Variants in FRMD3 observed in about 807,000 individuals in gnomAD.
FRMD3 encodes the protein FERM domain-containing protein 3.
FRMD3 carries 33 observed loss-of-function variants against 70.2 expected under a neutral mutation model. The observed-to-expected ratio is 0.47, with a 90% CI of 0.36 to 0.63. The LOEUF (loss-of-function observed/expected upper bound fraction) is 0.63. FRMD3 is among the 20% of genes least tolerant of loss of function. The pLI is 0.00. For synonymous variants in FRMD3, 279 were observed against 255.9 expected, an observed-to-expected ratio of 1.09 and a Z score of -0.86; for missense variants, 632 against 711.4, an observed-to-expected ratio of 0.89 and a Z score of 1.27.
intron 2 of FRMD3, among the ~76,000 whole-genome samples, chr9:83,374,214 A>T (rs575551106): frequency 6.6e-6 from 1 of 151,580 alleles, no homozygotes; most frequent in East Asian, 2.0e-4. Context: ...TTTGCTCTAA[A>T]ATGCATATTC....
intron 1 of FRMD3, among the ~76,000 whole-genome samples, chr9:83,418,300 C>T (rs1229755784): frequency 6.6e-6 from 1 of 151,984 alleles, no homozygotes; most frequent in Non-Finnish European, 1.5e-5. Context: ...AACTAAAAAG[C>T]TTCTGCACAG....
intron 6 of FRMD3, among the ~76,000 whole-genome samples, chr9:83,322,108 C>G (rs944472388): frequency 6.6e-6 from 1 of 152,004 alleles, no homozygotes; most frequent in African/African-American, 2.4e-5. Flanking sequence ...CCAGGGAGAC[C>G]AGGGCCCTTC....
At chr9:83,447,075 C>T (rs1564081864) in intron 1 of FRMD3, among the ~76,000 whole-genome samples, 2 of 152,092 alleles carry the variant, frequency 1.3e-5, no homozygotes, top group African/African-American at 2.4e-5. Context: ...CCAGGCTGGG[C>T]TGCAGTGGCG....
chr9:83,480,829 GA>G (rs1828551976), intron 1 of FRMD3, among the ~76,000 whole-genome samples: 1 of 152,164 alleles, frequency 6.6e-6, no homozygotes, highest in Non-Finnish European at 1.5e-5. Context: ...GTTATATGCA[GA>G]TACAACCTAT....
intron 1 of FRMD3, among the ~76,000 whole-genome samples, chr9:83,439,459 C>CT (rs1319601439): frequency 2.6e-5 from 4 of 152,254 alleles, no homozygotes; most frequent in African/African-American, 9.6e-5. Flanking sequence ...TCAGTCTTCA[C>CT]TGGTTACAGC....
chr9:83,371,517 A>G (rs959172249), intron 3 of FRMD3, among the ~76,000 whole-genome samples: 2 of 152,168 alleles, frequency 1.3e-5, no homozygotes, highest in African/African-American at 4.8e-5. Flanking sequence ...GGGTTTTACC[A>G]TGTTGGCCAG....
chr9:83,501,707 T>C lies in FRMD3; in HGVS notation c.147+36378A>G, dbSNP rs1425433249. ...TTGCTGCCTCTAGGTAACAAGATGA[T>C]TGGTATGTAACAAGCGGCAAGGCAA... is the stretch of plus-strand genomic sequence containing the variant. On this transcript the variant is annotated intron_variant, in intron 1 of 13. Transcript: ENST00000304195. Among the ~76,000 whole-genome samples, 3 of 152,110 alleles carry C rather than the reference T, an allele frequency of 2.0e-5. No homozygotes were observed. The East Asian group carries it at 5.8e-4, about 29-fold the overall frequency.
At chr9:83,283,777 C>G (rs1235177401) in intron 13 of FRMD3, among the ~76,000 whole-genome samples, 2 of 151,978 alleles carry the variant, frequency 1.3e-5, no homozygotes, top group African/African-American at 4.8e-5. Flanking sequence ...GTGTGCAATG[C>G]GAAAATGATG....
chr9:83,341,024 C>T (rs537095394), intron 5 of FRMD3, among the ~76,000 whole-genome samples: 1 of 152,306 alleles, frequency 6.6e-6, no homozygotes, highest in Admixed American at 6.5e-5. Context: ...TCCATCTTCC[C>T]TATTACTCTG....
chr9:83,403,102 T>C (rs1825999294), intron 1 of FRMD3, among the ~76,000 whole-genome samples: 1 of 151,870 alleles, frequency 6.6e-6, no homozygotes, highest in East Asian at 1.9e-4. Flanking sequence ...CGGGGTTTCA[T>C]CATATTGGCC....
At chr9:83,518,850 C>A (rs1428815962) in intron 1 of FRMD3, among the ~76,000 whole-genome samples, 2 of 152,122 alleles carry the variant, frequency 1.3e-5, no homozygotes, top group Admixed American at 1.3e-4. Flanking sequence ...CATCTACAAC[C>A]ATCTGATCTT....
chr9:83,451,996 C>A (rs1050216854), intron 1 of FRMD3, among the ~76,000 whole-genome samples: 4 of 152,044 alleles, frequency 2.6e-5, no homozygotes, highest in Non-Finnish European at 5.9e-5. Context: ...TATATAAACC[C>A]CAAGTCCCAG....
intron 12 of FRMD3, among the ~76,000 whole-genome samples, chr9:83,296,199 G>A (rs2119003725): frequency 6.6e-6 from 1 of 152,290 alleles, no homozygotes; most frequent in African/African-American, 2.4e-5. Context: ...GTGTCCAAGA[G>A]GAACAATTTT....
chr9:83,456,303 G>C (rs1827814432), intron 1 of FRMD3, among the ~76,000 whole-genome samples: 1 of 152,098 alleles, frequency 6.6e-6, no homozygotes, highest in South Asian at 2.1e-4. Context: ...GCTTGATTTA[G>C]CCTATTTCGT....
At chr9:83,372,885 A>G (rs748619975) in intron 3 of FRMD3, 28 bp downstream of exon 3, 1 of 1,596,968 alleles carries the variant, frequency 6.3e-7, no homozygotes, top group South Asian at 1.1e-5. Flanking sequence ...ACATTGTAGC[A>G]AAAGTAAAGT....
At chr9:83,563,459 T>G in the FRMD3 span, among the ~76,000 whole-genome samples, 4 of 152,278 alleles carry the variant, frequency 2.6e-5, no homozygotes, top group African/African-American at 9.6e-5. Flanking sequence ...CAATGATAAA[T>G]GATGCTCTCT....
chr9:83,314,308 G>A (rs1405181189), intron 6 of FRMD3, among the ~76,000 whole-genome samples: 2 of 152,098 alleles, frequency 1.3e-5, no homozygotes, highest in African/African-American at 4.8e-5. Context: ...AGGGAGAAAA[G>A]GGCTGCAAAT....
intron 1 of FRMD3, among the ~76,000 whole-genome samples, chr9:83,410,428 T>C (rs987268973): frequency 6.6e-6 from 1 of 152,240 alleles, no homozygotes; most frequent in Non-Finnish European, 1.5e-5. Context: ...GCATTAATTC[T>C]ATTAAGATAA....
chr9:83,245,340 T>A lies in FRMD3; in HGVS notation c.*2578A>T. ...TCGATTCAGGCAACTGGTGACTATC[T>A]TCTAACAAAACTTAAATGGATGTTT... On this transcript the variant is annotated 3_prime_UTR_variant, in exon 14 of 14. Transcript: ENST00000304195. 1.0e-6 allele frequency: 1 copy of A among 985,420 alleles called. No homozygotes were observed. The highest frequency in any genetic ancestry group is 4.7e-5 in the South Asian group (1 of 21,292). 61.0% of individuals were successfully genotyped at this position (985,420 alleles called of 1,614,324 possible). A position where few individuals can be genotyped will look rare whatever the true frequency, so the allele number is the denominator to read the frequency against.
Sources: allele counts gnomAD v4.1 joint callset (sites outside exome capture counted in the v4.1 genomes callset), GRCh38; gene constraint gnomAD v4.1.1; transcripts MANE v1.5; gene names NCBI Gene and HGNC (gene_info 2026-07-23, HGNC 2026-07-21).